Variants in TATDN1 observed in about 807,000 individuals in gnomAD.
TATDN1 encodes deoxyribonuclease TATDN1.
Under a neutral mutation model 46.4 loss-of-function variants are expected in TATDN1, and 40 were observed. That is an observed-to-expected ratio of 0.86 (90% CI 0.67 to 1.12). The LOEUF (loss-of-function observed/expected upper bound fraction) is 1.12. Among genes scored for constraint, TATDN1 ranks in the 50% most tolerant of loss-of-function variants. The pLI is 0.00. For missense variants in TATDN1, 326 were observed against 348.4 expected, an observed-to-expected ratio of 0.94 and a Z score of 0.51; for synonymous variants, 95 against 105.6, an observed-to-expected ratio of 0.90 and a Z score of 0.62.
intron 1 of TATDN1, among the ~76,000 whole-genome samples, chr8:124,537,855 T>C (rs1000146168): frequency 9.2e-5 from 14 of 152,156 alleles, no homozygotes; most frequent in African/African-American, 3.4e-4. Flanking sequence ...CTGCATTTGC[T>C]TTTGACTGTA....
intron 6 of TATDN1, among the ~76,000 whole-genome samples, chr8:124,511,861 T>A (rs566746956): frequency 6.6e-6 from 1 of 152,290 alleles, no homozygotes; most frequent in Admixed American, 6.5e-5. Context: ...GGGCTTTATG[T>A]GCCTTATGTT....
intron 6 of TATDN1, among the ~76,000 whole-genome samples, chr8:124,510,147 G>A (rs1818884499): frequency 6.6e-6 from 1 of 152,092 alleles, no homozygotes; most frequent in Non-Finnish European, 1.5e-5. Flanking sequence ...AGATTCTGCT[G>A]GGTTAGAATA....
chr8:124,516,239 T>C (rs1819461712), intron 4 of TATDN1, among the ~76,000 whole-genome samples: 1 of 152,260 alleles, frequency 6.6e-6, no homozygotes, highest in East Asian at 1.9e-4. Context: ...ATTGCTTTAA[T>C]GTATTAATAA....
intron 6 of TATDN1, among the ~76,000 whole-genome samples, chr8:124,513,529 T>C (rs1235560889): frequency 6.6e-6 from 1 of 152,234 alleles, no homozygotes; most frequent in African/African-American, 2.4e-5. Context: ...ACCTCTCTAT[T>C]AGCAATTAAC....
At chr8:124,498,051 T>A (rs1017955782) in intron 9 of TATDN1, among the ~76,000 whole-genome samples, 1 of 150,748 alleles carries the variant, frequency 6.6e-6, no homozygotes, top group Non-Finnish European at 1.5e-5. Context: ...AATCCCACTA[T>A]GTTGGGTCGC....
At chr8:124,509,251 C>T (rs975298703) in intron 6 of TATDN1, among the ~76,000 whole-genome samples, 9 of 152,322 alleles carry the variant, frequency 5.9e-5, no homozygotes, top group Middle Eastern at 3.4e-3. Flanking sequence ...ACCATTGTCT[C>T]ATTTGATCCT....
intron 1 of TATDN1, among the ~76,000 whole-genome samples, chr8:124,524,714 G>A (rs1012211236): frequency 6.6e-6 from 1 of 152,114 alleles, no homozygotes; most frequent in South Asian, 2.1e-4. Context: ...GAAGGGGGAG[G>A]GACTGGGCTC....
At chr8:124,516,476 AT>A (rs536653635) in intron 4 of TATDN1, among the ~76,000 whole-genome samples, 2,002 of 144,374 alleles carry the variant, frequency 0.014, 11 homozygotes, top group Non-Finnish European at 0.019. Flanking sequence ...CTAATTTTTA[AT>A]TTTTTTTTTT....
chr8:124,491,354 C>T (rs34115246), intron 11 of TATDN1: 14,129 of 152,342 alleles, frequency 0.093, 829 homozygotes, highest in Non-Finnish European at 0.13. Flanking sequence ...TTAGCCAGGC[C>T]CTTCTGCAGT....
intron 6 of TATDN1, among the ~76,000 whole-genome samples, chr8:124,513,513 G>T (rs1375714902): frequency 6.6e-6 from 1 of 152,156 alleles, no homozygotes. Context: ...ACTGAATGTA[G>T]TTTGAACCTC....
At chr8:124,512,957 C>T (rs151285560) in intron 6 of TATDN1, among the ~76,000 whole-genome samples, 18 of 152,030 alleles carry the variant, frequency 1.2e-4, no homozygotes, top group African/African-American at 3.4e-4. Context: ...CTCTGTTGCC[C>T]GGGCTGGAGT....
intron 4 of TATDN1, among the ~76,000 whole-genome samples, chr8:124,517,145 A>C (rs1364759433): frequency 6.6e-6 from 1 of 152,192 alleles, no homozygotes; most frequent in African/African-American, 2.4e-5. Flanking sequence ...AAAAGTGTCA[A>C]TGGGGTGGGT....
At chr8:124,518,706 TC>T (rs762112000) in intron 4 of TATDN1, 111 bp downstream of exon 4, 17 of 748,084 alleles carry the variant, frequency 2.3e-5, no homozygotes, top group Non-Finnish European at 4.0e-5. Context: ...CAGTCCATTT[TC>T]CTATTGTTTC....
At position 124,538,816 on chromosome 8, in the gene TATDN1, ACAAATAAATACACCCTCGTGAATC is replaced by A. The variant is rs1484983767; in HGVS notation, c.22+185_22+208del. 734 of 616,242 alleles carry A rather than the reference ACAAATAAATACACCCTCGTGAATC, an allele frequency of 1.2e-3. 12 individuals are homozygous for A. The South Asian group carries it at 0.013, about 11-fold the overall frequency. The allele number at this position is 616,242 out of a possible 1,614,324, so 38.2% of individuals were successfully genotyped here. On this transcript the variant is annotated intron_variant, in intron 1 of 11. Transcript: ENST00000276692. ...ATAACTGTACGGCTTGTTAATTTTT[ACAAATAAATACACCCTCGTGAATC>A]CAGAACCTAGATCAAGAACCAGAGC...
intron 8 of TATDN1, among the ~76,000 whole-genome samples, chr8:124,505,229 A>T (rs1818312432): frequency 5.9e-5 from 9 of 151,434 alleles, no homozygotes. Context: ...TACTAAAAAC[A>T]CAAAATTAGC....
intron 1 of TATDN1, among the ~76,000 whole-genome samples, chr8:124,527,603 T>A (rs1425063620): frequency 6.6e-6 from 1 of 152,064 alleles, no homozygotes; most frequent in African/African-American, 2.4e-5. Context: ...GCTGGAAAAC[T>A]TAGCTTTCAG....
At chr8:124,522,626 C>G (rs540987446) in intron 2 of TATDN1, among the ~76,000 whole-genome samples, 1 of 152,158 alleles carries the variant, frequency 6.6e-6, no homozygotes, top group East Asian at 1.9e-4. Flanking sequence ...ACCATGTTGG[C>G]CAGGCTGGTC....
chr8:124,501,130 G>C (rs910910123), intron 9 of TATDN1, among the ~76,000 whole-genome samples: 1 of 152,202 alleles, frequency 6.6e-6, no homozygotes, highest in African/African-American at 2.4e-5. Flanking sequence ...AGGAGTACAG[G>C]CGTCAGGCAC....
chr8:124,495,643 C>A, intron 9 of TATDN1, 101 bp from the exon 10 acceptor site: 1 of 815,086 alleles, frequency 1.2e-6, no homozygotes, highest in Non-Finnish European at 1.9e-6. Context: ...ACCCAAAACC[C>A]TATAACACTT....
Sources: gnomAD v4.1 joint callset for allele counts (sites outside exome capture counted in the v4.1 genomes callset) on GRCh38, gnomAD v4.1.1 for gene constraint, MANE v1.5 for transcripts, NCBI Gene and HGNC (gene_info 2026-07-23, HGNC 2026-07-21) for gene names.